ESR1: variants seen among roughly 807,000 people sequenced by gnomAD.
ESR1 encodes the protein estrogen receptor.
A neutral mutation model predicts 52.7 loss-of-function variants in ESR1; 12 were observed. The observed-to-expected ratio is 0.23, with a 90% CI of 0.15 to 0.37. The LOEUF is 0.37. ESR1 is among the 10% of genes least tolerant of loss of function. ESR1 has a pLI of 1.00. For synonymous variants in ESR1, 305 were observed against 316.8 expected (o/e 0.96, Z 0.39); for missense variants, 584 against 779.7 (o/e 0.75, Z 2.99).
At chr6:151,747,179 T>C (rs1783546981) in intron 2 of ESR1, among the ~76,000 whole-genome samples, 1 of 152,172 alleles carries the variant, frequency 6.6e-6, no homozygotes, top group Non-Finnish European at 1.5e-5. Context: ...GTTCATAAAT[T>C]GAAGATGTGA....
intron 5 of ESR1, among the ~76,000 whole-genome samples, chr6:152,030,266 G>A (rs1230606712): frequency 6.6e-6 from 1 of 152,114 alleles, no homozygotes; most frequent in Non-Finnish European, 1.5e-5. Context: ...CATAATGACA[G>A]GATCAAATTC....
chr6:151,957,799 A>G (rs1284749410), intron 4 of ESR1, among the ~76,000 whole-genome samples: 1 of 152,228 alleles, frequency 6.6e-6, no homozygotes, highest in Admixed American at 6.5e-5. Context: ...AGAAAACCCC[A>G]AGATAAAGCC....
At chr6:152,054,078 G>GA (rs370376620) in intron 5 of ESR1, among the ~76,000 whole-genome samples, 6 of 149,934 alleles carry the variant, frequency 4.0e-5, no homozygotes, top group South Asian at 2.1e-4. Flanking sequence ...CTTAGCAAGT[G>GA]AAAAAAAAAC....
At chr6:152,067,558 C>T (rs181367235) in intron 6 of ESR1, among the ~76,000 whole-genome samples, 1 of 152,190 alleles carries the variant, frequency 6.6e-6, no homozygotes, top group African/African-American at 2.4e-5. Flanking sequence ...AATGTATGGA[C>T]CCAGTTTAAA....
chr6:151,750,244 T>G (rs1783800232), intron 2 of ESR1, among the ~76,000 whole-genome samples: 1 of 152,168 alleles, frequency 6.6e-6, no homozygotes. Context: ...TTTGTACACT[T>G]GTGAGTATAT....
chr6:151,711,162 C>A (rs1270287891), intron 2 of ESR1, among the ~76,000 whole-genome samples: 1 of 152,114 alleles, frequency 6.6e-6, no homozygotes, highest in Non-Finnish European at 1.5e-5. Flanking sequence ...TTTACACTCC[C>A]ACCAACAGTG....
chr6:152,120,458 ATCGTGTTCCCTGT>A, intron 6 of ESR1, among the ~76,000 whole-genome samples: 1 of 152,186 alleles, frequency 6.6e-6, no homozygotes, highest in Non-Finnish European at 1.5e-5. Context: ...GGGGCGATCC[ATCGTGTTCCCTGT>A]GGAACACGAT....
chr6:151,811,943 C>T (rs1778902510), intron 1 of ESR1, among the ~76,000 whole-genome samples: 2 of 152,162 alleles, frequency 1.3e-5, no homozygotes, highest in Admixed American at 1.3e-4. Flanking sequence ...TAATCTTTCT[C>T]ACACTCATTT....
intron 6 of ESR1, among the ~76,000 whole-genome samples, chr6:152,117,658 C>T (rs1007509248): frequency 1.3e-5 from 2 of 152,168 alleles, no homozygotes; most frequent in African/African-American, 4.8e-5. Context: ...AGCACATCAC[C>T]CTGCTTCTCA....
At chr6:151,690,236 A>T (rs1367099646), upstream of ESR1, among the ~76,000 whole-genome samples, 1 of 152,114 alleles carries the variant, frequency 6.6e-6, no homozygotes, top group African/African-American at 2.4e-5. Flanking sequence ...CCAACTCCAC[A>T]TGCCTGTCTA....
At chr6:151,951,375 G>A (rs1222480084) in intron 4 of ESR1, among the ~76,000 whole-genome samples, 1 of 151,972 alleles carries the variant, frequency 6.6e-6, no homozygotes, top group African/African-American at 2.4e-5. Context: ...TAAAGTAGGG[G>A]GAAAGATATG....
chr6:151,778,312 A>C (rs1481863401), intron 2 of ESR1, among the ~76,000 whole-genome samples: 1 of 152,192 alleles, frequency 6.6e-6, no homozygotes, highest in Admixed American at 6.5e-5. Flanking sequence ...CTGGAGATGG[A>C]CAATGGTGAT....
chr6:151,888,402 A>G (rs1334985337), intron 3 of ESR1, among the ~76,000 whole-genome samples: 1 of 152,014 alleles, frequency 6.6e-6, no homozygotes, highest in Non-Finnish European at 1.5e-5. Context: ...ATTTATTCCC[A>G]AATATTTTGT....
intron 4 of ESR1, among the ~76,000 whole-genome samples, chr6:152,004,252 T>C (rs1396140231): frequency 1.3e-5 from 2 of 152,006 alleles, no homozygotes; most frequent in African/African-American, 4.8e-5. Context: ...TAAAGAATGT[T>C]TGAAGTAGAG....
chr6:151,964,389 T>C (rs2038019361), intron 4 of ESR1, among the ~76,000 whole-genome samples: 1 of 152,198 alleles, frequency 6.6e-6, no homozygotes, highest in Admixed American at 6.5e-5. Flanking sequence ...GTGTTTCACC[T>C]CCTTGGTTGA....
At chr6:152,010,339 T>C (rs570392532) in intron 4 of ESR1, among the ~76,000 whole-genome samples, 2 of 152,126 alleles carry the variant, frequency 1.3e-5, no homozygotes, top group South Asian at 2.1e-4. Flanking sequence ...GTCTTTTTCA[T>C]CAACACAAGT....
intron 3 of ESR1, among the ~76,000 whole-genome samples, chr6:151,881,232 G>A: frequency 6.6e-6 from 1 of 152,312 alleles, no homozygotes; most frequent in African/African-American, 2.4e-5. Context: ...TAAGGAATGT[G>A]AATTTCAATC....
intron 4 of ESR1, among the ~76,000 whole-genome samples, chr6:151,970,784 A>T (rs2038826485): frequency 6.6e-6 from 1 of 152,110 alleles, no homozygotes; most frequent in African/African-American, 2.4e-5. Flanking sequence ...AATTCTGTTG[A>T]ATTCACTCAT....
intron 4 of ESR1, among the ~76,000 whole-genome samples, chr6:151,959,121 C>T (rs1025502412): frequency 6.6e-6 from 1 of 152,134 alleles, no homozygotes; most frequent in Non-Finnish European, 1.5e-5. Context: ...CCAGAACTCT[C>T]CACCTAAGTG....
Sources: allele counts gnomAD v4.1 joint callset (sites outside exome capture counted in the v4.1 genomes callset), GRCh38; gene constraint gnomAD v4.1.1; transcripts MANE v1.5; gene names NCBI Gene and HGNC (gene_info 2026-07-23, HGNC 2026-07-21).